Variants in RB1 observed in about 807,000 individuals in gnomAD.
The protein encoded by RB1 is RB transcriptional corepressor 1.
Under a neutral mutation model 135.4 loss-of-function variants are expected in RB1, and 18 were observed. That is an observed-to-expected ratio of 0.13 (90% CI 0.09 to 0.20). The LOEUF is 0.20. Among genes scored for constraint, RB1 ranks in the 10% least tolerant of loss-of-function variants. The probability of loss-of-function intolerance (pLI) is 1.00; values close to 1 mark genes in which losing one functional copy is unlikely to be tolerated. For missense variants in RB1, 868 were observed against 1,110.0 expected (o/e 0.78, Z 3.10); for synonymous variants, 365 against 373.2 (o/e 0.98, Z 0.25).
At chr13:48,477,542 G>A in intron 26 of RB1, 138 bp downstream of exon 26, 1 of 719,432 alleles carries the variant, frequency 1.4e-6, no homozygotes, top group Non-Finnish European at 2.4e-6. Flanking sequence ...TTCAATCAAG[G>A]TTATTTATCT....
chr13:48,362,671 A>C (rs1336704235), intron 7 of RB1, 144 bp from the exon 8 acceptor site: 1 of 883,242 alleles, frequency 1.1e-6, no homozygotes, highest in Non-Finnish European at 1.8e-6. Flanking sequence ...TATGGATGAA[A>C]TTGTTATCCT....
At chr13:48,442,232 G>T (rs1949244815) in intron 17 of RB1, among the ~76,000 whole-genome samples, 2 of 148,288 alleles carry the variant, frequency 1.3e-5, no homozygotes, top group Non-Finnish European at 3.0e-5. Context: ...ATGGAGTCTT[G>T]CTCTGTTGCC....
At chr13:48,336,483 A>G (rs1275041876) in intron 2 of RB1, among the ~76,000 whole-genome samples, 4 of 152,016 alleles carry the variant, frequency 2.6e-5, no homozygotes, top group Non-Finnish European at 5.9e-5. Context: ...AGAGGTGTTT[A>G]TAGTATTCTC....
chr13:48,478,968 T>G (rs952324165), intron 26 of RB1, among the ~76,000 whole-genome samples: 4 of 152,234 alleles, frequency 2.6e-5, no homozygotes, highest in African/African-American at 9.6e-5. Context: ...GGCTTATGTC[T>G]GTAATACCAG....
Position 48,481,842 on chromosome 13 carries a change from A to T in RB1, c.*1771A>T, listed in dbSNP as rs577749913. ...AAATTGCTATGTTACTATTTTCTAC[A>T]ATTAATAGTTTGTCTATTTTAAAAT... On this transcript the variant is annotated 3_prime_UTR_variant, in exon 27 of 27. Transcript: ENST00000267163. 1 of 220,692 alleles carries T rather than the reference A, an allele frequency of 4.5e-6. No homozygotes were observed. Among genetic ancestry groups the T allele is most frequent in the Non-Finnish European group, 9.1e-6 (1 of 110,370 alleles). 13.7% of individuals were successfully genotyped at this position (220,692 alleles called of 1,614,324 possible).
chr13:48,459,476 T>G (rs1027065823), intron 19 of RB1, among the ~76,000 whole-genome samples: 5 of 152,190 alleles, frequency 3.3e-5, no homozygotes, highest in Non-Finnish European at 7.3e-5. Flanking sequence ...TGCCTTGCCC[T>G]CTGCATTTCT....
intron 13 of RB1, among the ~76,000 whole-genome samples, chr13:48,378,952 A>G (rs1948507508): frequency 6.6e-6 from 1 of 152,156 alleles, no homozygotes; most frequent in African/African-American, 2.4e-5. Flanking sequence ...GTGTGTTTAT[A>G]TTTCTAAAAT....
chr13:48,308,260 C>T (rs556384718), intron 2 of RB1, among the ~76,000 whole-genome samples: 6 of 150,770 alleles, frequency 4.0e-5, no homozygotes, highest in South Asian at 2.1e-4. Flanking sequence ...TGAGGTGGGA[C>T]GATCACTTGA....
rs1167485791 is a variant in RB1, at chr13:48,465,471, T to A, written c.2489+103T>A. 3 of 1,166,722 alleles carry A rather than the reference T, an allele frequency of 2.6e-6. No homozygotes were observed. The African/African-American group carries it at 4.6e-5, about 18-fold the overall frequency. 72.3% of individuals were successfully genotyped at this position (1,166,722 alleles called of 1,614,324 possible). On this transcript the variant is annotated intron_variant, in intron 23 of 26. Transcript: ENST00000267163. ...ATTCTTCATTTCAAATAAGCTAGAC[T>A]CTTGAAACTCTATTTGCTTATTTAA...
chr13:48,306,434 A>G (rs188707853), intron 1 of RB1, among the ~76,000 whole-genome samples: 240 of 152,298 alleles, frequency 1.6e-3, no homozygotes, highest in Non-Finnish European at 7.4e-4. Context: ...AAAACTAATT[A>G]TGTTTTGAAG....
At chr13:48,317,024 C>A in intron 2 of RB1, 1 of 596,194 alleles carries the variant, frequency 1.7e-6, no homozygotes, top group East Asian at 5.1e-5. Flanking sequence ...CCTCCGAGCC[C>A]GAGTTCCTCC....
intron 17 of RB1, among the ~76,000 whole-genome samples, chr13:48,408,116 A>G (rs958605027): frequency 2.0e-5 from 3 of 152,064 alleles, no homozygotes; most frequent in African/African-American, 7.2e-5. Flanking sequence ...TATATTTCTC[A>G]ATTTAGTGAC....
chr13:48,358,897 C>T (rs1593442770), intron 6 of RB1, among the ~76,000 whole-genome samples: 2 of 152,218 alleles, frequency 1.3e-5, no homozygotes, highest in East Asian at 1.9e-4. Context: ...TCCTTGATAT[C>T]GTTCTTTACC....
intron 7 of RB1, among the ~76,000 whole-genome samples, chr13:48,362,032 C>T (rs1309733902): frequency 6.7e-6 from 1 of 150,070 alleles, no homozygotes; most frequent in Non-Finnish European, 1.5e-5. Flanking sequence ...ACTGCAAACT[C>T]TGCCTCCCGG....
At chr13:48,371,354 C>T (rs1363653931) in intron 11 of RB1, among the ~76,000 whole-genome samples, 3 of 152,048 alleles carry the variant, frequency 2.0e-5, no homozygotes, top group Non-Finnish European at 4.4e-5. Context: ...ATTAGAATAA[C>T]CTGAGGAATT....
chr13:48,396,309 A>G (rs1329801242), intron 17 of RB1, among the ~76,000 whole-genome samples: 3 of 152,030 alleles, frequency 2.0e-5, no homozygotes, highest in Admixed American at 6.6e-5. Context: ...AAATAAACCA[A>G]CGGAACAGAA....
chr13:48,352,981 G>A (rs574315200), intron 6 of RB1, among the ~76,000 whole-genome samples: 1 of 152,110 alleles, frequency 6.6e-6, no homozygotes, highest in African/African-American at 2.4e-5. Flanking sequence ...TATGATGTTG[G>A]CTGTGGGTTA....
chr13:48,318,831 G>T (rs934908304), intron 2 of RB1: 2 of 987,548 alleles, frequency 2.0e-6, no homozygotes, highest in Non-Finnish European at 3.2e-6. Flanking sequence ...CTCACCTCTG[G>T]CCAGCAAACT....
chr13:48,331,538 G>A (rs1389778462), intron 2 of RB1, among the ~76,000 whole-genome samples: 2 of 152,120 alleles, frequency 1.3e-5, no homozygotes, highest in Non-Finnish European at 2.9e-5. Context: ...GCGATACCCT[G>A]CACCACCTCA....
Sources: allele counts gnomAD v4.1 joint callset (sites outside exome capture counted in the v4.1 genomes callset), GRCh38; gene constraint gnomAD v4.1.1; transcripts MANE v1.5; gene names NCBI Gene and HGNC (gene_info 2026-07-23, HGNC 2026-07-21).